PMPCB: variants seen among roughly 807,000 people sequenced by gnomAD.
PMPCB encodes the protein mitochondrial-processing peptidase subunit beta.
PMPCB carries 46 observed loss-of-function variants against 61.5 expected under a neutral mutation model. The observed-to-expected ratio is 0.75, with a 90% confidence interval of 0.59 to 0.96. The LOEUF (loss-of-function observed/expected upper bound fraction) is 0.96. Ranked by LOEUF, PMPCB falls within the 40% of genes least tolerant of loss-of-function variation. The pLI is 0.00. For synonymous variants in PMPCB, 191 were observed against 201.6 expected, an observed-to-expected ratio of 0.95 and a Z score of 0.44; for missense variants, 590 against 602.4, an observed-to-expected ratio of 0.98 and a Z score of 0.22.
chr7:103,324,177 A>G (rs559430405), intron 12 of PMPCB, among the ~76,000 whole-genome samples: 1 of 152,366 alleles, frequency 6.6e-6, no homozygotes, highest in South Asian at 2.1e-4. Flanking sequence ...AGAGACAAAT[A>G]GCACTGTCTC....
chr7:103,338,488 G>A, the PMPCB span, among the ~76,000 whole-genome samples: 1 of 151,132 alleles, frequency 6.6e-6, no homozygotes, highest in Non-Finnish European at 1.5e-5. Flanking sequence ...GTAGAGACAG[G>A]GTTTCACCTT....
chr7:103,298,235 T>C (rs1031357395), intron 1 of PMPCB, among the ~76,000 whole-genome samples: 4 of 150,304 alleles, frequency 2.7e-5, no homozygotes, highest in Admixed American at 6.6e-5. Context: ...TTCCCTCTCT[T>C]TTTTTTTTTC....
intron 5 of PMPCB, 48 bp from the exon 6 acceptor site, chr7:103,304,363 C>T (rs764885058): frequency 6.3e-5 from 66 of 1,043,312 alleles, no homozygotes; most frequent in Non-Finnish European, 6.1e-5. Context: ...ATGTGAAGAT[C>T]TGTTTTTTTT....
downstream of PMPCB, chr7:103,316,839 G>C: frequency 6.2e-7 from 1 of 1,613,360 alleles, no homozygotes; most frequent in Non-Finnish European, 8.5e-7. Context: ...CCTTGAATTT[G>C]TTCCAGCAGG....
chr7:103,302,990 G>A (rs1225835869), intron 4 of PMPCB, among the ~76,000 whole-genome samples: 1 of 148,984 alleles, frequency 6.7e-6, no homozygotes, highest in Admixed American at 6.7e-5. Flanking sequence ...ATGAAGCACA[G>A]TTTTTTTTTT....
intron 8 of PMPCB, chr7:103,309,386 C>A: frequency 4.9e-6 from 1 of 205,564 alleles, no homozygotes; most frequent in Non-Finnish European, 9.6e-6. Flanking sequence ...CCCTCTATAT[C>A]TGTGGGTTCC....
At position 103,314,572 on chromosome 7, in the gene PMPCB, TG is replaced by T. The variant is rs1372620723; in HGVS notation, c.*2303del. 2 of 985,224 alleles carry T rather than the reference TG, an allele frequency of 2.0e-6. No homozygotes were observed. Among genetic ancestry groups the T allele is most frequent in the Non-Finnish European group, 2.4e-6 (2 of 829,892 alleles). 61.0% of individuals were successfully genotyped at this position (985,224 alleles called of 1,614,324 possible). ...GTGTGCTAATACCTGTTGTATTTTG[TG>T]GAGATAAAGGTGCAGGAGAATAAAC... On this transcript the variant is annotated 3_prime_UTR_variant, in exon 13 of 13. Coordinates refer to ENST00000249269, the MANE Select transcript of PMPCB (RefSeq NM_004279.3).
intron 11 of PMPCB, 62 bp from the exon 12 acceptor site, chr7:103,311,994 T>C (rs1274189605): frequency 2.6e-6 from 4 of 1,563,130 alleles, no homozygotes; most frequent in Non-Finnish European, 1.7e-6. Context: ...TTTTAAAAAG[T>C]TCCAGGTATA....
At chr7:103,304,062 G>A in intron 5 of PMPCB, 22 bp downstream of exon 5, 1 of 1,469,884 alleles carries the variant, frequency 6.8e-7, no homozygotes, top group South Asian at 1.2e-5. Context: ...AGAATTTCTT[G>A]GTGTATAAGG....
intron 12 of PMPCB, chr7:103,327,504 G>T: frequency 1.5e-6 from 1 of 682,992 alleles, no homozygotes; most frequent in Non-Finnish European, 2.4e-6. Flanking sequence ...GAGGCTCTGG[G>T]GTGATGATTA....
intron 12 of PMPCB, among the ~76,000 whole-genome samples, chr7:103,325,692 T>C (rs1211828411): frequency 1.3e-5 from 2 of 152,188 alleles, no homozygotes; most frequent in Non-Finnish European, 2.9e-5. Context: ...AGATGTGCTT[T>C]AAGGGAACCT....
At position 103,312,242 on chromosome 7, in the gene PMPCB, C is replaced by A. The variant is rs763177905; in HGVS notation, c.1441C>A (p.Arg481Ser). 1 of 1,612,602 alleles carries A rather than the reference C, an allele frequency of 6.2e-7. No homozygotes were observed. The highest frequency in any genetic ancestry group is 8.5e-7 in the Non-Finnish European group (1 of 1,179,876). ...GCAACTACCAGATTTTAAACAGATA[C>A]GCAGTAACATGTGTTGGCTTCGTGA... ...IKQLPDFKQI[R>S]SNMCWLRD The change falls in exon 13 of 13, where the codon CGC becomes AGC. Residue 481 changes from arginine (R) to serine (S), a missense_variant. Physicochemically the swap from Arg to Ser is moderately radical, Grantham distance 110. Transcript: ENST00000249269.
chr7:103,305,631 T>C (rs924083215), intron 6 of PMPCB, among the ~76,000 whole-genome samples: 1 of 152,240 alleles, frequency 6.6e-6, no homozygotes, highest in Non-Finnish European at 1.5e-5. Context: ...TAAATTTTTC[T>C]CTTTTTAGAG....
chr7:103,299,489 A>G lies in PMPCB; in HGVS notation c.287A>G (p.Asn96Ser), dbSNP rs146216056. The G allele has an allele frequency of 4.2e-5, 68 of 1,613,104 alleles. No individual in the cohort carries two copies. In the African/African-American group the frequency reaches 8.4e-4, roughly 20 times the overall value. ...GGAAGTAGATACGAAAATGAGAAGA[A>G]CAATGGAACAGCACACTTTCTGGAG... ...DAGSRYENEK[N>S]NGTAHFLEHM... is the part of the protein sequence containing the mutation. Residue 96 changes from asparagine to serine, a missense_variant, in exon 3 of 13, where the codon AAC (asparagine) becomes AGC (serine). Transcript: ENST00000249269.
chr7:103,308,542 A>G (rs1344793182), intron 7 of PMPCB, among the ~76,000 whole-genome samples: 2 of 152,188 alleles, frequency 1.3e-5, no homozygotes, highest in Middle Eastern at 3.4e-3. Context: ...TTGCTTGAAC[A>G]TGGGAGGCCG....
chr7:103,345,113 G>A, the PMPCB span: 2 of 222,024 alleles, frequency 9.0e-6, no homozygotes, highest in Non-Finnish European at 1.8e-5. Context: ...TCGACGACTA[G>A]TATATACATT....
chr7:103,334,404 AAT>A, downstream of PMPCB, among the ~76,000 whole-genome samples: 1 of 151,808 alleles, frequency 6.6e-6, no homozygotes, highest in African/African-American at 2.4e-5. Flanking sequence ...TCTACTAAAA[AAT>A]ACGAAAATTA....
At chr7:103,308,252 T>C (rs927423382) in intron 7 of PMPCB, among the ~76,000 whole-genome samples, 1 of 152,220 alleles carries the variant, frequency 6.6e-6, no homozygotes, top group Non-Finnish European at 1.5e-5. Context: ...TGCCCTGATA[T>C]TGGCAGCTGC....
the PMPCB span, among the ~76,000 whole-genome samples, chr7:103,340,836 C>G: frequency 6.6e-6 from 1 of 152,264 alleles, no homozygotes; most frequent in South Asian, 2.1e-4. Flanking sequence ...AGTCATAGAC[C>G]AATTTCTAAC....
Sources: gnomAD v4.1 joint callset for allele counts (sites outside exome capture counted in the v4.1 genomes callset) on GRCh38, gnomAD v4.1.1 for gene constraint, MANE v1.5 for transcripts, NCBI Gene and HGNC (gene_info 2026-07-23, HGNC 2026-07-21) for gene names.